Variants in EIF5A2 observed in about 807,000 individuals in gnomAD.
The protein encoded by EIF5A2 is eukaryotic translation initiation factor 5A-2.
EIF5A2 carries 15 observed loss-of-function variants against 16.4 expected under a neutral mutation model. The ratio of observed to expected loss-of-function variants is 0.92; its 90% CI spans 0.61 to 1.41. The LOEUF is 1.41. EIF5A2 is among the 40% of genes most tolerant of loss of function. The pLI, the probability that EIF5A2 is intolerant of heterozygous loss-of-function variation, is 0.00. For synonymous variants in EIF5A2, 48 were observed against 61.1 expected (o/e 0.79, Z 1.00); for missense variants, 144 against 189.5 (o/e 0.76, Z 1.41).
At chr3:170,893,840 T>C (rs945344386) in intron 4 of EIF5A2, among the ~76,000 whole-genome samples, 1 of 152,124 alleles carries the variant, frequency 6.6e-6, no homozygotes, top group African/African-American at 2.4e-5. Flanking sequence ...CAAAACCAGC[T>C]TGGCCAACAT....
chr3:170,897,545 G>A (rs1249227981), intron 3 of EIF5A2, among the ~76,000 whole-genome samples: 1 of 152,236 alleles, frequency 6.6e-6, no homozygotes, highest in Admixed American at 6.5e-5. Context: ...GCTTCAGAGA[G>A]TGTAAGCCCT....
chr3:170,904,706 T>C (rs1025821772), intron 3 of EIF5A2, among the ~76,000 whole-genome samples: 3 of 152,138 alleles, frequency 2.0e-5, no homozygotes, highest in African/African-American at 7.2e-5. Context: ...TCTCACCACA[T>C]TGCCCAGGTT....
intron 3 of EIF5A2, among the ~76,000 whole-genome samples, chr3:170,897,402 GA>G (rs1712700589): frequency 1.3e-5 from 2 of 152,224 alleles, no homozygotes; most frequent in Admixed American, 6.5e-5. Context: ...AGAGGCCTAG[GA>G]GGGAAAAATG....
Position 170,896,158 on chromosome 3 carries a change from G to A in EIF5A2, c.271-1735C>T, listed in dbSNP as rs1712665530. Reference sequence around the variant, plus strand: ...ATATTTTGAAAATGATGTATGTAATGGAGCTATTTTATTTTTTAAGAGTTA... The same window carrying A: ...ATATTTTGAAAATGATGTATGTAATAGAGCTATTTTATTTTTTAAGAGTTA... On this transcript the variant is annotated intron_variant, in intron 3 of 4. Coordinates refer to ENST00000295822, the MANE Select transcript of EIF5A2 (RefSeq NM_020390.6). 3.9e-5 allele frequency among the ~76,000 whole-genome samples: 6 copies of A among 152,140 alleles called. No homozygotes were observed. The South Asian group carries it at 1.0e-3, about 26-fold the overall frequency.
intron 1 of EIF5A2, among the ~76,000 whole-genome samples, chr3:170,908,319 C>T (rs1712995899): frequency 1.3e-5 from 2 of 152,194 alleles, no homozygotes; most frequent in African/African-American, 2.4e-5. Flanking sequence ...CCGCCGCGGC[C>T]GCACAGGCGC....
rs1165688191 is a variant in EIF5A2, at chr3:170,889,650, T to C, written c.*3710A>G. ...ACTGCTTAAGAGCCATATTTTCTCA[T>C]AGTAAATGCGTTCCTAGTTCATATT... On this transcript the variant is annotated 3_prime_UTR_variant, in exon 5 of 5. Coordinates refer to ENST00000295822, the MANE Select transcript of EIF5A2 (RefSeq NM_020390.6). 6.6e-6 allele frequency: 1 copy of C among 152,572 alleles called. No individual in the cohort carries two copies. The highest frequency in any genetic ancestry group is 1.5e-5 in the Non-Finnish European group (1 of 67,974). The allele number at this position is 152,572 out of a possible 1,614,324, so 9.5% of individuals were successfully genotyped here.
chr3:170,900,866 AAATGAAGG>A (rs1396087704), intron 3 of EIF5A2, among the ~76,000 whole-genome samples: 3 of 152,232 alleles, frequency 2.0e-5, no homozygotes, highest in Non-Finnish European at 2.9e-5. Context: ...TAAGAGAAAC[AAATGAAGG>A]AATGACAGAT....
intron 3 of EIF5A2, among the ~76,000 whole-genome samples, chr3:170,901,405 T>A (rs962829507): frequency 6.6e-6 from 1 of 152,018 alleles, no homozygotes; most frequent in Non-Finnish European, 1.5e-5. Flanking sequence ...AAAGGGAGTG[T>A]GGGGAGAGTT....
intron 3 of EIF5A2, among the ~76,000 whole-genome samples, chr3:170,899,025 C>T (rs1460409350): frequency 1.3e-5 from 2 of 152,108 alleles, no homozygotes; most frequent in African/African-American, 4.8e-5. Flanking sequence ...TTTTCAAAAT[C>T]AGGGAATTTA....
At chr3:170,906,298 T>A (rs1300112197) in intron 3 of EIF5A2, among the ~76,000 whole-genome samples, 2 of 152,216 alleles carry the variant, frequency 1.3e-5, no homozygotes, top group African/African-American at 4.8e-5. Flanking sequence ...ATTATTTTGT[T>A]ATCATCAATA....
At position 170,907,041 on chromosome 3, in the gene EIF5A2, C is replaced by T; in HGVS notation, c.218G>A (p.Cys73Tyr). 6.2e-7 allele frequency: 1 copy of T among 1,612,794 alleles called. No homozygotes were observed. Among genetic ancestry groups the T allele is most frequent in the Non-Finnish European group, 8.5e-7 (1 of 1,179,416 alleles). The change falls in exon 3 of 5, where the codon TGT (cysteine) becomes TAT (tyrosine). Residue 73 changes from cysteine to tyrosine, a missense_variant. Coordinates refer to ENST00000295822, the MANE Select transcript of EIF5A2 (RefSeq NM_020390.6). ...AACATCCATGTTGTGAGTAGAAGGA[C>T]AAATATCTTCATATTTTTTGCCCGT... ...IFTGKKYEDI[C>Y]PSTHNMDVPN...
chr3:170,895,796 G>A (rs1712655135), intron 3 of EIF5A2, among the ~76,000 whole-genome samples: 1 of 152,194 alleles, frequency 6.6e-6, no homozygotes, highest in African/African-American at 2.4e-5. Flanking sequence ...GTGGCTGGTA[G>A]AGAAGTGGGA....
At position 170,907,741 on chromosome 3, in the gene EIF5A2, G is replaced by C; in HGVS notation, c.66C>G (p.Cys22Trp). ...CGAAGCCGTTTTTGCGCAAGGCCGA[G>C]CACTGCATAGGGTAAGTGCTGGAAG... ...AGASSTYPMQCSALRKNGFVV... is the reference protein window; with the variant it reads ...AGASSTYPMQWSALRKNGFVV... The change falls in exon 2 of 5, where the codon TGC becomes TGG. Residue 22 changes from cysteine to tryptophan, a missense_variant. By Grantham distance (215) the Cys-to-Trp change is radical. Coordinates refer to ENST00000295822, the MANE Select transcript of EIF5A2 (RefSeq NM_020390.6). 6.2e-7 allele frequency: 1 copy of C among 1,608,164 alleles called. No homozygotes were observed. Among genetic ancestry groups the C allele is most frequent in the Non-Finnish European group, 8.5e-7 (1 of 1,175,360 alleles).
At chr3:170,905,836 C>T (rs1254782987) in intron 3 of EIF5A2, among the ~76,000 whole-genome samples, 3 of 151,932 alleles carry the variant, frequency 2.0e-5, no homozygotes, top group Non-Finnish European at 4.4e-5. Context: ...ATAACTTGTC[C>T]AAAATCATCC....
rs114037077 is a variant in EIF5A2 at position 170,898,182 on chromosome 3, C to T, written c.271-3759G>A. On this transcript the variant is annotated intron_variant, in intron 3 of 4. Transcript: ENST00000295822. ...TTTACAGGCTCATAGGCGGAAGGGA[C>T]TTCCCTTGTTTCAGATGAGACTTTG... Among the ~76,000 whole-genome samples the T allele has an allele frequency of 5.3e-3, 804 of 152,330 alleles. 18 individuals are homozygous for T. Among genetic ancestry groups the T allele is most frequent in the African/African-American group, 0.018 (741 of 41,566 alleles).
intron 1 of EIF5A2, among the ~76,000 whole-genome samples, chr3:170,908,230 G>A (rs1195361500): frequency 2.6e-5 from 4 of 152,220 alleles, no homozygotes; most frequent in African/African-American, 9.6e-5. Flanking sequence ...CGCGAAGGAT[G>A]CGGGGTAACA....
rs2108291563 is a variant in EIF5A2 at position 170,892,689 on chromosome 3, T to G, written c.*671A>C. 2.5e-6 allele frequency: 1 copy of G among 398,276 alleles called. No homozygotes were observed. Among genetic ancestry groups the G allele is most frequent in the East Asian group, 3.6e-5 (1 of 28,034 alleles). 24.7% of individuals were successfully genotyped at this position (398,276 alleles called of 1,614,324 possible). A position where few individuals can be genotyped will look rare whatever the true frequency, so the allele number is the denominator to read the frequency against. On this transcript the variant is annotated 3_prime_UTR_variant, in exon 5 of 5. Transcript: ENST00000295822. ...ACTGTCTTTTGTGTCTTCCTTATAA[T>G]CTTACTTGCTAACTAACTTTCACCC...
intron 3 of EIF5A2, among the ~76,000 whole-genome samples, chr3:170,899,414 A>AT (rs894061451): frequency 1.3e-5 from 2 of 151,282 alleles, no homozygotes; most frequent in Non-Finnish European, 2.9e-5. Flanking sequence ...TTTATTTTTT[A>AT]TTTTTTTAAT....
At chr3:170,896,195 C>T (rs1712666385) in intron 3 of EIF5A2, among the ~76,000 whole-genome samples, 1 of 151,958 alleles carries the variant, frequency 6.6e-6, no homozygotes, top group Non-Finnish European at 1.5e-5. Context: ...GAATCATAAA[C>T]TGTGGAATGA....
Sources: allele counts gnomAD v4.1 joint callset (sites outside exome capture counted in the v4.1 genomes callset), GRCh38; gene constraint gnomAD v4.1.1; transcripts MANE v1.5; gene names NCBI Gene and HGNC (gene_info 2026-07-23, HGNC 2026-07-21).